WWOX: variants seen among roughly 807,000 people sequenced by gnomAD.
WWOX encodes the protein WW domain containing oxidoreductase.
In WWOX, 69 loss-of-function variants were observed where a neutral mutation model predicts 46.2. The ratio of observed to expected loss-of-function variants is 1.49; its 90% CI spans 1.23 to 1.82. WWOX has a LOEUF of 1.82. Among genes scored for constraint, WWOX ranks in the 40% most tolerant of loss-of-function variants. The pLI, the probability that WWOX is intolerant of heterozygous loss-of-function variation, is 0.00. For missense variants in WWOX, 919 were observed against 542.6 expected (o/e 1.69, Z -6.89); for synonymous variants, 359 against 202.6 (o/e 1.77, Z -6.56).
At chr16:78,826,756 A>T (rs535789000) in intron 8 of WWOX, among the ~76,000 whole-genome samples, 1 of 152,176 alleles carries the variant, frequency 6.6e-6, no homozygotes, top group East Asian at 1.9e-4. Context: ...CCACCATTCA[A>T]CCCACAATAA....
intron 8 of WWOX, among the ~76,000 whole-genome samples, chr16:78,790,822 C>T (rs368057130): frequency 6.6e-6 from 1 of 151,748 alleles, no homozygotes; most frequent in Non-Finnish European, 1.5e-5. Flanking sequence ...GGTTGAAGAC[C>T]AGCCTGGGCA....
chr16:79,020,500 C>T (rs563731701), intron 8 of WWOX, among the ~76,000 whole-genome samples: 2 of 152,162 alleles, frequency 1.3e-5, no homozygotes, highest in Admixed American at 6.5e-5. Flanking sequence ...GGATTAAATG[C>T]AACAGTAATC....
intron 8 of WWOX, among the ~76,000 whole-genome samples, chr16:79,028,781 C>T (rs755723419): frequency 1.3e-5 from 2 of 151,724 alleles, no homozygotes; most frequent in Non-Finnish European, 2.9e-5. Context: ...TGGATAATTA[C>T]ATTTGGTTTG....
chr16:78,440,403 C>G (rs950014234), intron 8 of WWOX, among the ~76,000 whole-genome samples: 1 of 152,132 alleles, frequency 6.6e-6, no homozygotes, highest in Non-Finnish European at 1.5e-5. Flanking sequence ...CTGCAAAACT[C>G]AGTCTGAACA....
intron 8 of WWOX, among the ~76,000 whole-genome samples, chr16:79,076,241 G>T (rs1435872620): frequency 6.6e-6 from 1 of 152,204 alleles, no homozygotes; most frequent in Non-Finnish European, 1.5e-5. Context: ...ACCACACACA[G>T]TGTCGTGTTT....
intron 8 of WWOX, among the ~76,000 whole-genome samples, chr16:78,732,888 A>G (rs899967384): frequency 1.3e-5 from 2 of 152,230 alleles, no homozygotes; most frequent in South Asian, 2.1e-4. Context: ...TTTCTTGAGA[A>G]TAAGCGCTGT....
At chr16:78,505,410 T>C (rs2085170093) in intron 8 of WWOX, among the ~76,000 whole-genome samples, 2 of 152,180 alleles carry the variant, frequency 1.3e-5, no homozygotes, top group African/African-American at 4.8e-5. Flanking sequence ...CAGGACACTC[T>C]GAGATGGAAG....
At chr16:79,152,870 G>T (rs886374792) in intron 8 of WWOX, among the ~76,000 whole-genome samples, 1 of 152,136 alleles carries the variant, frequency 6.6e-6, no homozygotes, top group African/African-American at 2.4e-5. Context: ...GAGATAGAAC[G>T]GAGTACCCAG....
At chr16:78,937,516 A>G (rs142606816) in intron 8 of WWOX, among the ~76,000 whole-genome samples, 2 of 140,396 alleles carry the variant, frequency 1.4e-5, no homozygotes, top group African/African-American at 5.5e-5. Context: ...GCTGGTCTCA[A>G]ACTCCTGAGT....
intron 8 of WWOX, among the ~76,000 whole-genome samples, chr16:78,814,285 T>G (rs2051273522): frequency 6.6e-6 from 1 of 152,224 alleles, no homozygotes; most frequent in African/African-American, 2.4e-5. Flanking sequence ...CCTTCCCCTC[T>G]TGTTCCTTTT....
chr16:78,289,498 G>C (rs1267452510), intron 5 of WWOX, among the ~76,000 whole-genome samples: 1 of 152,138 alleles, frequency 6.6e-6, no homozygotes, highest in African/African-American at 2.4e-5. Context: ...ACAGTGACTT[G>C]GTCTGAGAAA....
intron 8 of WWOX, among the ~76,000 whole-genome samples, chr16:79,136,767 C>G (rs1458577959): frequency 6.6e-6 from 1 of 152,170 alleles, no homozygotes; most frequent in Non-Finnish European, 1.5e-5. Flanking sequence ...AATAATATCC[C>G]TTGAAGCCAA....
intron 5 of WWOX, among the ~76,000 whole-genome samples, chr16:78,296,615 A>C (rs781688539): frequency 2.0e-5 from 3 of 151,968 alleles, no homozygotes; most frequent in Non-Finnish European, 2.9e-5. Context: ...TACTCTGTAC[A>C]CAGGGGAAAT....
chr16:78,616,454 G>T (rs1324846319), intron 8 of WWOX, among the ~76,000 whole-genome samples: 1 of 151,566 alleles, frequency 6.6e-6, no homozygotes, highest in Non-Finnish European at 1.5e-5. Flanking sequence ...GCAACTCTCT[G>T]GGGTATCTTT....
chr16:78,421,488 A>G (rs547050018), intron 6 of WWOX, among the ~76,000 whole-genome samples: 21 of 152,288 alleles, frequency 1.4e-4, no homozygotes, highest in African/African-American at 4.8e-4. Flanking sequence ...TCATTTTAAG[A>G]TGTGGGACTT....
intron 8 of WWOX, among the ~76,000 whole-genome samples, chr16:78,751,844 G>A (rs1259778954): frequency 6.6e-6 from 1 of 151,924 alleles, no homozygotes; most frequent in African/African-American, 2.4e-5. Flanking sequence ...AGGAAGGAGG[G>A]AGGGAAGGTA....
At chr16:78,791,503 C>G (rs929856134) in intron 8 of WWOX, among the ~76,000 whole-genome samples, 3 of 152,122 alleles carry the variant, frequency 2.0e-5, no homozygotes, top group African/African-American at 7.2e-5. Flanking sequence ...GTGGTCTTGG[C>G]CTTTCTCTTG....
Position 78,611,626 on chromosome 16 carries a change from G to C in WWOX, c.1056+178874G>C, listed in dbSNP as rs538028012. On this transcript the variant is annotated intron_variant, in intron 8 of 8. Coordinates refer to ENST00000566780, the MANE Select transcript of WWOX (RefSeq NM_016373.4). Reference sequence around the variant, plus strand: ...ATTTTGGCAACATATTTGGGAAAATGATAGTTAGATGCTGCGTTAGCCAGC... The same window carrying C: ...ATTTTGGCAACATATTTGGGAAAATCATAGTTAGATGCTGCGTTAGCCAGC... Among the ~76,000 whole-genome samples, 3 of 152,344 alleles carry C rather than the reference G, an allele frequency of 2.0e-5. No individual in the cohort carries two copies. In the South Asian group the frequency reaches 6.2e-4, roughly 32 times the overall value.
chr16:79,001,323 C>T (rs1268064311), intron 8 of WWOX, among the ~76,000 whole-genome samples: 2 of 152,036 alleles, frequency 1.3e-5, no homozygotes, highest in African/African-American at 4.8e-5. Flanking sequence ...CCCCTATTCT[C>T]AGCAGGAGAG....
Sources: allele counts gnomAD v4.1 joint callset (sites outside exome capture counted in the v4.1 genomes callset), GRCh38; gene constraint gnomAD v4.1.1; transcripts MANE v1.5; gene names NCBI Gene and HGNC (gene_info 2026-07-23, HGNC 2026-07-21).